TMC6: variants seen among roughly 807,000 people sequenced by gnomAD.
TMC6 encodes the protein transmembrane channel like 6.
TMC6 carries 71 observed loss-of-function variants against 95.4 expected under a neutral mutation model. The observed-to-expected ratio is 0.74, with a 90% CI of 0.61 to 0.91. TMC6 has a LOEUF of 0.91. Ranked by LOEUF, TMC6 falls within the 40% of genes least tolerant of loss-of-function variation. The pLI is 0.00. For synonymous variants in TMC6, 514 were observed against 483.1 expected (o/e 1.06, Z -0.84); for missense variants, 1,074 against 1,079.1 (o/e 1.00, Z 0.07).
In TMC6 at chr17:78,112,974, C is replaced by T; in HGVS notation, c.*174G>A. On this transcript the variant is annotated 3_prime_UTR_variant, in exon 20 of 20. Transcript: ENST00000590602. ...ATAGAGTCCCAGGCAGGGCAGAGTT[C>T]ATTGGGGATGCCCAAGCCGGATTCA... 1 of 691,780 alleles carries T rather than the reference C, an allele frequency of 1.4e-6. No homozygotes were observed. The highest frequency in any genetic ancestry group is 2.5e-6 in the Non-Finnish European group (1 of 398,668). The allele number at this position is 691,780 out of a possible 1,614,324, so 42.9% of individuals were successfully genotyped here.
rs531019400 is a variant in TMC6 at position 78,116,875 on chromosome 17, G to A, written c.2277+394C>T. 7.1e-4 allele frequency among the ~76,000 whole-genome samples: 108 copies of A among 152,060 alleles called. 2 individuals are homozygous for A. The highest frequency in any genetic ancestry group is 2.3e-3 in the African/African-American group (96 of 41,498). ...AGCCTGGGTGACAGAGCGAGACTCC[G>A]TCTCCAAAAAAAAAAGTTTTAAGTC... On this transcript the variant is annotated intron_variant, in intron 18 of 19. Coordinates refer to ENST00000590602, the MANE Select transcript of TMC6 (RefSeq NM_001127198.5).
rs1201571450 is a variant in TMC6 at position 78,119,045 on chromosome 17, G to T, written c.1813C>A (p.Leu605Met). The T allele has an allele frequency of 6.3e-7, 1 of 1,584,020 alleles. No individual in the cohort carries two copies. The highest frequency in any genetic ancestry group is 2.3e-5 in the East Asian group (1 of 43,318). Residue 605 changes from leucine to methionine, a missense_variant and splice_region_variant, in exon 15 of 20, where the codon CTG becomes ATG. Transcript: ENST00000590602. Reference sequence around the variant, plus strand: ...AGGAGGGGCGAGAAGAGCACCCCCAGCCTGGGGAGGGGGTGGCAGTTCAGG... The same window carrying T: ...AGGAGGGGCGAGAAGAGCACCCCCATCCTGGGGAGGGGGTGGCAGTTCAGG... ...ELIYGQTLTW[L>M]GVLFSPLLPA...
Position 78,121,817 on chromosome 17 carries a change from T to C in TMC6, c.1228-106A>G. On this transcript the variant is annotated intron_variant, in intron 10 of 19. Coordinates refer to ENST00000590602, the MANE Select transcript of TMC6 (RefSeq NM_001127198.5). This position sits in a 1 kb window ranked among gnomAD's most constrained non-coding sequence, Gnocchi z 5.6. ...ACACACATGAGACACACCAGGAGGC[T>C]TGAACCAGGACAGAGGGCCAGTTCC... is the stretch of plus-strand genomic sequence containing the variant. The C allele has an allele frequency of 1.1e-5, 16 of 1,420,356 alleles. No individual in the cohort carries two copies. Among genetic ancestry groups the C allele is most frequent in the Non-Finnish European group, 1.5e-5 (16 of 1,066,106 alleles). 88.0% of individuals were successfully genotyped at this position (1,420,356 alleles called of 1,614,324 possible). A position where few individuals can be genotyped will look rare whatever the true frequency, so the allele number is the denominator to read the frequency against.
In TMC6 at chr17:78,120,502, A is replaced by G. The variant is rs775020701; in HGVS notation, c.1715+151T>C. On this transcript the variant is annotated intron_variant, in intron 13 of 19. Transcript: ENST00000590602. The stretch of plus-strand genomic sequence containing the variant: ...ACCTGTTTTCCTTTCCAATCTAAAA[A>G]TGAGTTCGGTTCTATTTCCTGAGTC... The G allele has an allele frequency of 8.2e-6, 10 of 1,224,442 alleles. No homozygotes were observed. The South Asian group carries it at 9.7e-5, about 12-fold the overall frequency. 75.8% of individuals were successfully genotyped at this position (1,224,442 alleles called of 1,614,324 possible).
chr17:78,117,452 C>T lies in TMC6; in HGVS notation c.2198+16G>A. 1 of 1,610,386 alleles carries T rather than the reference C, an allele frequency of 6.2e-7. No homozygotes were observed. ...AGGGCCATCTCCCCAGGGCCGCCCC[C>T]ACCTGCGGGACTCACAGCAGCAGGG... On this transcript the variant is annotated intron_variant, in intron 17 of 19. Transcript: ENST00000590602.
upstream of TMC6, chr17:78,131,602 G>A: frequency 6.5e-7 from 1 of 1,547,312 alleles, no homozygotes; most frequent in Non-Finnish European, 8.7e-7. Flanking sequence ...CTGCTGCCGC[G>A]GTCGGTGTCA....
Position 78,123,969 on chromosome 17 carries a change from T to C in TMC6, c.1082+20A>G, listed in dbSNP as rs370898765. 1.2e-6 allele frequency: 2 copies of C among 1,613,428 alleles called. No homozygotes were observed. Among genetic ancestry groups the C allele is most frequent in the Non-Finnish European group, 1.7e-6 (2 of 1,179,794 alleles). ...GGATGAGTGGAGCTCGGAGCCTGGG[T>C]CATGAGGTGGAGGCATTACCTGTAC... On this transcript the variant is annotated intron_variant, in intron 9 of 19. Transcript: ENST00000590602.
chr17:78,127,733 G>T (rs1200589874), intron 1 of TMC6, among the ~76,000 whole-genome samples: 1 of 152,218 alleles, frequency 6.6e-6, no homozygotes, highest in Non-Finnish European at 1.5e-5. Context: ...GCTCAAAGTC[G>T]GCCGGGTTGA....
chr17:78,107,593 A>C lies in TMC6; in HGVS notation c.*5555T>G, dbSNP rs1382292897. The C allele has an allele frequency of 2.0e-5, 3 of 152,226 alleles. No individual in the cohort carries two copies. The highest frequency in any genetic ancestry group is 4.4e-5 in the Non-Finnish European group (3 of 68,038). The allele number at this position is 152,226 out of a possible 1,614,324, so 9.4% of individuals were successfully genotyped here. ...AGCTCACATACGTACCTCTCTCACG[A>C]GTGAACTCAGATTTTCCATTGTTTT... On this transcript the variant is annotated 3_prime_UTR_variant, in exon 20 of 20. Coordinates refer to ENST00000590602, the MANE Select transcript of TMC6 (RefSeq NM_001127198.5).
chr17:78,117,707 C>G (rs1014950079), intron 16 of TMC6, 63 bp from the exon 17 acceptor site: 13 of 1,556,844 alleles, frequency 8.4e-6, no homozygotes, highest in African/African-American at 6.8e-5. Flanking sequence ...TCCCTCCCAG[C>G]CCGTCCTCTG....
At position 78,117,543 on chromosome 17, in the gene TMC6, A is replaced by AC. The variant is rs2074189112; in HGVS notation, c.2122dup (p.Val708GlyfsTer53). ...CCGGTGCACCCAGGGCAGCCAGGAG[A>AC]CCCTGGGGCCTGCCGCCTCCAGGTG... On this transcript the variant is annotated frameshift_variant, in exon 17 of 20. Transcript: ENST00000590602. LOFTEE classifies it high-confidence loss of function. The AC allele has an allele frequency of 6.2e-7, 1 of 1,600,638 alleles. No homozygotes were observed. Among genetic ancestry groups the AC allele is most frequent in the Non-Finnish European group, 8.5e-7 (1 of 1,175,318 alleles).
chr17:78,113,258 C>T, intron 19 of TMC6, 47 bp from the exon 20 acceptor site: 1 of 1,537,180 alleles, frequency 6.5e-7, no homozygotes, highest in Non-Finnish European at 8.8e-7. Flanking sequence ...ACATCAACAT[C>T]CCTGCAACCT....
At position 78,120,674 on chromosome 17, in the gene TMC6, A is replaced by T. The variant is rs759655248; in HGVS notation, c.1694T>A (p.Leu565His). 4 of 1,613,870 alleles carry T rather than the reference A, an allele frequency of 2.5e-6. No individual in the cohort carries two copies. Among genetic ancestry groups the T allele is most frequent in the Admixed American group, 3.3e-5 (2 of 59,990 alleles). Reference sequence around the variant, plus strand: ...TCACCTCCACACCAGTTCCCCAAAAAGCGTGTCCAGCAACATGAGGACGAA... The same window carrying T: ...TCACCTCCACACCAGTTCCCCAAAATGCGTGTCCAGCAACATGAGGACGAA... ...MDFVLMLLDTLFGELVWRIIS... is the reference protein window; with the variant it reads ...MDFVLMLLDTHFGELVWRIIS... Residue 565 changes from leucine (L) to histidine (H), a missense_variant, in exon 13 of 20, where the codon CTT becomes CAT. Leu to His is a moderately conservative substitution (Grantham distance 99, BLOSUM62 -3). Transcript: ENST00000590602.
At chr17:78,117,998 G>A in intron 15 of TMC6, 63 bp from the exon 16 acceptor site, 5 of 1,559,106 alleles carry the variant, frequency 3.2e-6, no homozygotes, top group South Asian at 1.2e-5. Flanking sequence ...CCAAGCCCTG[G>A]GGGAGCTCAA....
Position 78,122,595 on chromosome 17 carries a change from G to T in TMC6, c.1227+10C>A. The T allele has an allele frequency of 3.1e-6, 5 of 1,608,202 alleles. No homozygotes were observed. The highest frequency in any genetic ancestry group is 3.4e-6 in the Non-Finnish European group (4 of 1,179,750). On this transcript the variant is annotated intron_variant, in intron 10 of 19. Coordinates refer to ENST00000590602, the MANE Select transcript of TMC6 (RefSeq NM_001127198.5). The surrounding 1 kb of genome is among the most constrained non-coding windows in gnomAD (Gnocchi z 4.9). ...TGGGCAGGCCAGCTTGGTGCTCCGGGGCCACTCACCTTCAGCCGGGTGCGA... is the reference window on the plus strand; with the variant it reads ...TGGGCAGGCCAGCTTGGTGCTCCGGTGCCACTCACCTTCAGCCGGGTGCGA...
At chr17:78,123,207 C>T (rs966650293) in intron 9 of TMC6, 2 of 312,858 alleles carry the variant, frequency 6.4e-6, no homozygotes, top group African/African-American at 4.3e-5. Context: ...GGAAACACCA[C>T]TAAGCCTCAT....
chr17:78,109,266 G>C lies in TMC6; in HGVS notation c.*3882C>G, dbSNP rs1271612946. 4 of 355,918 alleles carry C rather than the reference G, an allele frequency of 1.1e-5. No individual in the cohort carries two copies. The highest frequency in any genetic ancestry group is 2.2e-5 in the Non-Finnish European group (4 of 178,250). 22.0% of individuals were successfully genotyped at this position (355,918 alleles called of 1,614,324 possible). A position where few individuals can be genotyped will look rare whatever the true frequency, so the allele number is the denominator to read the frequency against. ...ACACAGAGGCATCATGGCGAGCCCCGACTGAGTGTTCAGTGAAGAGGGAAA... is the reference window on the plus strand; with the variant it reads ...ACACAGAGGCATCATGGCGAGCCCCCACTGAGTGTTCAGTGAAGAGGGAAA... On this transcript the variant is annotated 3_prime_UTR_variant, in exon 20 of 20. Coordinates refer to ENST00000590602, the MANE Select transcript of TMC6 (RefSeq NM_001127198.5).
Position 78,122,895 on chromosome 17 carries a change from C to G in TMC6, c.1083-146G>C. On this transcript the variant is annotated intron_variant, in intron 9 of 19. Coordinates refer to ENST00000590602, the MANE Select transcript of TMC6 (RefSeq NM_001127198.5). This position sits in a 1 kb window ranked among gnomAD's most constrained non-coding sequence, Gnocchi z 4.9. The stretch of plus-strand genomic sequence containing the variant: ...CCCTGACTGGGCCTCCTGCCACACC[C>G]CTGCCCCACCACCAGCCCTCTACAC... 9.2e-7 allele frequency: 1 copy of G among 1,084,026 alleles called. No homozygotes were observed. The highest frequency in any genetic ancestry group is 1.4e-6 in the Non-Finnish European group (1 of 740,258). The allele number at this position is 1,084,026 out of a possible 1,614,324, so 67.2% of individuals were successfully genotyped here.
chr17:78,119,864 T>C (rs2074322500), intron 13 of TMC6: 3 of 339,334 alleles, frequency 8.8e-6, no homozygotes, highest in South Asian at 7.4e-5. Flanking sequence ...CCGAGGCTGG[T>C]CTCAAACTCC....
Sources: gnomAD v4.1 joint callset for allele counts (sites outside exome capture counted in the v4.1 genomes callset) on GRCh38, gnomAD v4.1.1 for gene constraint, Gnocchi (gnomAD v3.1) non-coding constraint, MANE v1.5 for transcripts, NCBI Gene and HGNC (gene_info 2026-07-23, HGNC 2026-07-21) for gene names.